ARL17A: variants seen among roughly 807,000 people sequenced by gnomAD.
ARL17A encodes the protein ADP-ribosylation factor-like 17-like.
chr17:46,548,790 C>T (rs201177598), downstream of ARL17A: 656 of 1,609,536 alleles, frequency 4.1e-4, no homozygotes, highest in Non-Finnish European at 1.3e-4. Flanking sequence ...TGGAACAGCC[C>T]CACACACAGC....
chr17:46,558,757 A>C (rs1490146146), intron 3 of ARL17A: 4 of 136,452 alleles, frequency 2.9e-5, no homozygotes, highest in Non-Finnish European at 6.3e-5. Flanking sequence ...ATGCTGCTTT[A>C]AATGACTGAT....
intron 3 of ARL17A, among the ~76,000 whole-genome samples, chr17:46,519,731 AAAC>A (rs2052035552): frequency 6.8e-6 from 1 of 147,948 alleles, no homozygotes; most frequent in Non-Finnish European, 1.5e-5. Context: ...AATTAAATAT[AAAC>A]AACATTTATG....
At chr17:46,548,810 A>G (rs201965529), downstream of ARL17A, 2,051 of 1,612,090 alleles carry the variant, frequency 1.3e-3, 158 homozygotes, top group African/African-American at 0.022. Flanking sequence ...CAGGGGCCTG[A>G]GAAGTTAGCG....
At chr17:46,529,103 A>G (rs888869024) in intron 4 of ARL17A, among the ~76,000 whole-genome samples, 5 of 130,230 alleles carry the variant, frequency 3.8e-5, no homozygotes, top group African/African-American at 1.4e-4. Context: ...TAAGACAGTG[A>G]TGACATGCTC....
chr17:46,558,828 CTT>C (rs2057441398), intron 3 of ARL17A: 1 of 113,940 alleles, frequency 8.8e-6, no homozygotes, highest in South Asian at 2.7e-4. Context: ...AAAGGGACCT[CTT>C]TTATTCTTTT....
intron 3 of ARL17A, among the ~76,000 whole-genome samples, chr17:46,544,727 G>A (rs1391629652): frequency 1.1e-5 from 1 of 93,320 alleles, no homozygotes; most frequent in Non-Finnish European, 2.0e-5. Context: ...TTATCTCTCT[G>A]AAAGTGCCCC....
chr17:46,506,143 CA>C, the ARL17A span, among the ~76,000 whole-genome samples: 1 of 146,480 alleles, frequency 6.8e-6, no homozygotes, highest in African/African-American at 2.6e-5. Context: ...TTCAGTGGAA[CA>C]AGAGTCTACT....
At chr17:46,528,735 A>G (rs2053166366), downstream of ARL17A, 3 of 668,298 alleles carry the variant, frequency 4.5e-6, no homozygotes, top group Non-Finnish European at 8.0e-6. Flanking sequence ...AAAAAAAAAA[A>G]AAAAAAGGAA....
chr17:46,501,239 G>A, the ARL17A span, among the ~76,000 whole-genome samples: 3 of 151,012 alleles, frequency 2.0e-5, no homozygotes, highest in Non-Finnish European at 1.5e-5. Context: ...GCAGTGGTGC[G>A]ATCTTGGCTC....
chr17:46,501,323 G>A, the ARL17A span, among the ~76,000 whole-genome samples: 1,152 of 151,096 alleles, frequency 7.6e-3, 103 homozygotes, highest in African/African-American at 0.026. Context: ...CCACAGGCAT[G>A]CACCACCATG....
downstream of ARL17A, among the ~76,000 whole-genome samples, chr17:46,525,602 TATA>T (rs61094611): frequency 3.2e-3 from 334 of 103,180 alleles, 6 homozygotes; most frequent in Middle Eastern, 0.011. Context: ...ATAATAATAA[TATA>T]ATAATAATAA....
At chr17:46,534,745 G>T (rs1382819850) in intron 4 of ARL17A, among the ~76,000 whole-genome samples, 1 of 149,932 alleles carries the variant, frequency 6.7e-6, no homozygotes, top group East Asian at 2.0e-4. Flanking sequence ...CCGGGCAGAG[G>T]GGCTCCTCAC....
the ARL17A span, among the ~76,000 whole-genome samples, chr17:46,502,282 C>A: frequency 1.3e-5 from 2 of 150,988 alleles, no homozygotes; most frequent in Non-Finnish European, 2.9e-5. Flanking sequence ...ACTACTTGAC[C>A]CCCACTGTTA....
chr17:46,530,163 A>AT (rs2053463050), intron 4 of ARL17A, among the ~76,000 whole-genome samples: 1 of 134,748 alleles, frequency 7.4e-6, no homozygotes, highest in South Asian at 2.4e-4. Flanking sequence ...AAGTGCTGAG[A>AT]TTACAGGCTT....
intron 4 of ARL17A, among the ~76,000 whole-genome samples, chr17:46,534,670 C>T (rs1159351721): frequency 1.3e-5 from 2 of 149,176 alleles, no homozygotes; most frequent in Admixed American, 6.6e-5. Context: ...TTCAACAAAA[C>T]CACCATCGTC....
chr17:46,502,696 G>A, the ARL17A span, among the ~76,000 whole-genome samples: 9 of 151,264 alleles, frequency 5.9e-5, no homozygotes, highest in African/African-American at 9.9e-5. Context: ...TAAAATCAAG[G>A]AAAGGCCTAA....
At chr17:46,542,875 A>G (rs1476896150) in intron 3 of ARL17A, among the ~76,000 whole-genome samples, 1 of 150,312 alleles carries the variant, frequency 6.7e-6, no homozygotes, top group Non-Finnish European at 1.5e-5. Context: ...TTGCAAGATT[A>G]GCATGGAAAG....
intron 4 of ARL17A, among the ~76,000 whole-genome samples, chr17:46,531,244 TC>T (rs1210041031): frequency 4.4e-5 from 3 of 68,472 alleles, no homozygotes; most frequent in African/African-American, 1.9e-4. Context: ...ATTTTACACT[TC>T]CATCTGCAAT....
At chr17:46,539,295 C>T (rs1418165866) in intron 3 of ARL17A, among the ~76,000 whole-genome samples, 1 of 112,756 alleles carries the variant, frequency 8.9e-6, no homozygotes, top group East Asian at 2.5e-4. Context: ...CAGGTGATTA[C>T]ATGCAATGTA....
Sources: gnomAD v4.1 joint callset for allele counts (sites outside exome capture counted in the v4.1 genomes callset) on GRCh38, gnomAD v4.1.1 for gene constraint, MANE v1.5 for transcripts, NCBI Gene and HGNC (gene_info 2026-07-23, HGNC 2026-07-21) for gene names.